The following ERICH6B variants were observed in gnomAD, a reference collection of about 807,000 sequenced individuals.
ERICH6B encodes the protein glutamate-rich protein 6B.
Under a neutral mutation model 80.0 loss-of-function variants are expected in ERICH6B, and 69 were observed. That is an observed-to-expected ratio of 0.86 (90% CI 0.71 to 1.05). ERICH6B has a LOEUF of 1.05. Ranked by LOEUF, ERICH6B falls within the 50% of genes least tolerant of loss-of-function variation. The pLI is 0.00. For missense variants in ERICH6B, 754 were observed against 796.1 expected (o/e 0.95, Z 0.64); for synonymous variants, 283 against 291.9 (o/e 0.97, Z 0.31).
intron 3 of ERICH6B, among the ~76,000 whole-genome samples, chr13:45,590,913 C>T (rs925531072): frequency 1.3e-5 from 2 of 152,174 alleles, no homozygotes; most frequent in African/African-American, 4.8e-5. Context: ...TTCAGGCAAT[C>T]ATGGATTTTG....
At chr13:45,588,709 T>C (rs532615502) in intron 4 of ERICH6B, among the ~76,000 whole-genome samples, 1 of 152,234 alleles carries the variant, frequency 6.6e-6, no homozygotes, top group Non-Finnish European at 1.5e-5. Flanking sequence ...TATCATGTAC[T>C]TTTCCCCCCA....
chr13:45,606,509 A>G lies in ERICH6B; in HGVS notation c.-59+1055T>C, dbSNP rs796293006. ...TGAGATCCCAAAAGTGTATGTGTAT[A>G]TATATATATATATATATATATATAT... On this transcript the variant is annotated intron_variant, in intron 2 of 14. Transcript: ENST00000298738. 2.3e-3 allele frequency among the ~76,000 whole-genome samples: 53 copies of G among 22,994 alleles called. 1 individual carries two copies. The highest frequency in any genetic ancestry group is 4.6e-3 in the African/African-American group (16 of 3,512). The allele number at this position is 22,994 out of a possible 152,430, so 15.1% of individuals were successfully genotyped here.
chr13:45,583,461 C>A (rs1452912571), intron 5 of ERICH6B, among the ~76,000 whole-genome samples: 8 of 152,188 alleles, frequency 5.3e-5, no homozygotes, highest in Non-Finnish European at 1.2e-4. Flanking sequence ...ATCTTTTTAA[C>A]CTCTGCATGT....
intron 11 of ERICH6B, among the ~76,000 whole-genome samples, chr13:45,557,581 T>G (rs559370108): frequency 3.3e-4 from 50 of 152,366 alleles, no homozygotes; most frequent in African/African-American, 1.2e-3. Context: ...ATTTAAGTCC[T>G]TGATCTATCT....
chr13:45,614,476 G>A (rs1949916760), intron 1 of ERICH6B, among the ~76,000 whole-genome samples: 1 of 152,194 alleles, frequency 6.6e-6, no homozygotes, highest in African/African-American at 2.4e-5. Flanking sequence ...AGGCACACAG[G>A]AGGCTGACCA....
At chr13:45,597,721 G>A (rs538553608) in intron 2 of ERICH6B, among the ~76,000 whole-genome samples, 55 of 152,252 alleles carry the variant, frequency 3.6e-4, no homozygotes, top group African/African-American at 1.3e-3. Flanking sequence ...CTCCATCCAT[G>A]TCCTCTATAT....
chr13:45,549,050 G>A (rs1057468911), intron 13 of ERICH6B, among the ~76,000 whole-genome samples: 2 of 152,176 alleles, frequency 1.3e-5, no homozygotes, highest in Non-Finnish European at 2.9e-5. Flanking sequence ...TTGGGTGGCT[G>A]AGGCGGATGG....
chr13:45,568,589 C>A (rs1217728000), intron 8 of ERICH6B, 138 bp from the exon 9 acceptor site: 25 of 839,642 alleles, frequency 3.0e-5, no homozygotes, highest in Non-Finnish European at 4.4e-5. Flanking sequence ...GAACCAGGGG[C>A]AGGGGGAGGG....
At position 45,601,158 on chromosome 13, in the gene ERICH6B, C is replaced by T. The variant is rs908659451; in HGVS notation, c.-58-4095G>A. ...CCTATCCGTTGATTCCCCACTCTGTCCTTGGCTGTAAATTTCCATTTGCCC... is the reference window on the plus strand; with the variant it reads ...CCTATCCGTTGATTCCCCACTCTGTTCTTGGCTGTAAATTTCCATTTGCCC... On this transcript the variant is annotated intron_variant, in intron 2 of 14. Transcript: ENST00000298738. Among the ~76,000 whole-genome samples, 16 of 152,194 alleles carry T rather than the reference C, an allele frequency of 1.1e-4. 1 individual carries two copies.
chr13:45,549,538 C>T (rs1874127971), intron 13 of ERICH6B, among the ~76,000 whole-genome samples: 1 of 152,176 alleles, frequency 6.6e-6, no homozygotes, highest in Admixed American at 6.5e-5. Flanking sequence ...TGTCTCCAAA[C>T]CGTCACCAAA....
rs749694121 is a variant in ERICH6B at position 45,596,873 on chromosome 13, C to G, written c.133G>C (p.Asp45His). 6.4e-7 allele frequency: 1 copy of G among 1,551,858 alleles called. No individual in the cohort carries two copies. The highest frequency in any genetic ancestry group is 8.7e-7 in the Non-Finnish European group (1 of 1,147,028). Residue 45 changes from aspartate (D) to histidine (H), a missense_variant, in exon 3 of 15, where the codon GAT becomes CAT. Coordinates refer to ENST00000298738, the MANE Select transcript of ERICH6B (RefSeq NM_182542.3). ...EVELDEESLQ[D>H]ESPFSPEGES... ...CCCTCTGGAGAAAATGGAGATTCATCCTGTAGACTTTCCTCATCTAGTTCT... is the reference window on the plus strand; with the variant it reads ...CCCTCTGGAGAAAATGGAGATTCATGCTGTAGACTTTCCTCATCTAGTTCT...
At chr13:45,544,705 C>G in intron 14 of ERICH6B, 55 bp downstream of exon 14, 1 of 1,487,544 alleles carries the variant, frequency 6.7e-7, no homozygotes, top group East Asian at 2.5e-5. Flanking sequence ...CAGCAGTGGC[C>G]TTTGTACAGG....
intron 2 of ERICH6B, among the ~76,000 whole-genome samples, chr13:45,604,573 C>T (rs1949846402): frequency 1.3e-5 from 2 of 152,040 alleles, no homozygotes; most frequent in Non-Finnish European, 1.5e-5. Flanking sequence ...AGTTTACAGT[C>T]TTCATTTACA....
At chr13:45,583,832 G>A (rs1263808658) in intron 5 of ERICH6B, among the ~76,000 whole-genome samples, 1 of 152,178 alleles carries the variant, frequency 6.6e-6, no homozygotes. Context: ...GGAACTGTGA[G>A]TCCATTAAAC....
chr13:45,594,861 C>A (rs562031090), intron 3 of ERICH6B, among the ~76,000 whole-genome samples: 2 of 152,136 alleles, frequency 1.3e-5, no homozygotes, highest in Non-Finnish European at 2.9e-5. Context: ...GTGACCTGAA[C>A]CTTTACATTT....
intron 3 of ERICH6B, among the ~76,000 whole-genome samples, chr13:45,591,858 T>C (rs1428247571): frequency 1.3e-5 from 2 of 152,198 alleles, no homozygotes; most frequent in Non-Finnish European, 2.9e-5. Context: ...GGGGATGTCT[T>C]TCTACTTTTT....
chr13:45,565,009 G>A (rs955969124), intron 9 of ERICH6B, among the ~76,000 whole-genome samples: 1 of 152,196 alleles, frequency 6.6e-6, no homozygotes, highest in East Asian at 1.9e-4. Context: ...GCACATAGTA[G>A]GTGCACATGA....
At chr13:45,579,416 G>T (rs893330837) in intron 7 of ERICH6B, among the ~76,000 whole-genome samples, 4 of 152,304 alleles carry the variant, frequency 2.6e-5, no homozygotes, top group African/African-American at 9.6e-5. Flanking sequence ...GCAGGCTTTT[G>T]TTTTGTGGAG....
intron 2 of ERICH6B, among the ~76,000 whole-genome samples, chr13:45,602,492 C>T (rs1949833016): frequency 6.6e-6 from 1 of 152,164 alleles, no homozygotes; most frequent in Non-Finnish European, 1.5e-5. Context: ...CATCACTGGC[C>T]TTTTTCAGTC....
Sources: gnomAD v4.1 joint callset for allele counts (sites outside exome capture counted in the v4.1 genomes callset) on GRCh38, gnomAD v4.1.1 for gene constraint, MANE v1.5 for transcripts, NCBI Gene and HGNC (gene_info 2026-07-23, HGNC 2026-07-21) for gene names.